The following CCDC66 variants were observed in gnomAD, a reference collection of about 807,000 sequenced individuals.
CCDC66 encodes the protein coiled-coil domain-containing protein 66.
Under a neutral mutation model 128.3 loss-of-function variants are expected in CCDC66, and 133 were observed. That is an observed-to-expected ratio of 1.04 (90% CI 0.90 to 1.20). CCDC66 has a LOEUF of 1.20. Among genes scored for constraint, CCDC66 ranks in the 50% most tolerant of loss-of-function variants. The probability of loss-of-function intolerance (pLI) is 0.00; values close to 1 mark genes in which losing one functional copy is unlikely to be tolerated. For synonymous variants in CCDC66, 387 were observed against 357.0 expected (o/e 1.08, Z -0.95); for missense variants, 1,126 against 1,075.5 (o/e 1.05, Z -0.66).
intron 7 of CCDC66, among the ~76,000 whole-genome samples, chr3:56,585,148 G>A (rs577529510): frequency 6.7e-6 from 1 of 150,270 alleles, no homozygotes; most frequent in South Asian, 2.1e-4. Context: ...AGAGGGAGAG[G>A]GAGAGGGACT....
At chr3:56,616,922 T>TA (rs1383703059) in intron 13 of CCDC66, 190 bp from the exon 14 acceptor site, 14 of 453,266 alleles carry the variant, frequency 3.1e-5, no homozygotes, top group South Asian at 1.1e-4. Context: ...AAATGGAAAT[T>TA]AGAGTGGTGG....
intron 15 of CCDC66, 119 bp downstream of exon 15, chr3:56,618,331 G>T: frequency 1.1e-6 from 1 of 918,566 alleles, no homozygotes; most frequent in Non-Finnish European, 1.7e-6. Context: ...GAAAGGGTGT[G>T]GCTTCCAGGT....
intron 7 of CCDC66, among the ~76,000 whole-genome samples, chr3:56,583,504 AG>A (rs1467177013): frequency 6.6e-6 from 1 of 151,892 alleles, no homozygotes; most frequent in African/African-American, 2.4e-5. Flanking sequence ...GATGACTCTT[AG>A]GGAGCATGCT....
chr3:56,610,665 A>C (rs1319227530), intron 10 of CCDC66, among the ~76,000 whole-genome samples: 1 of 152,048 alleles, frequency 6.6e-6, no homozygotes, highest in Non-Finnish European at 1.5e-5. Flanking sequence ...ATATTACCAC[A>C]GTTGGTTTTC....
chr3:56,619,157 G>GCA, intron 15 of CCDC66, 114 bp from the exon 16 acceptor site: 2 of 868,968 alleles, frequency 2.3e-6, no homozygotes, highest in Non-Finnish European at 1.7e-6. Context: ...TCGCGCCACT[G>GCA]CACTCCAGCC....
chr3:56,618,249 T>C, intron 15 of CCDC66, 37 bp downstream of exon 15: 1 of 1,570,272 alleles, frequency 6.4e-7, no homozygotes, highest in Non-Finnish European at 8.8e-7. Flanking sequence ...AGCTACTTAA[T>C]GCTTTCTATG....
intron 2 of CCDC66, 83 bp downstream of exon 2, chr3:56,558,993 G>C: frequency 1.1e-6 from 1 of 926,124 alleles, no homozygotes; most frequent in Non-Finnish European, 1.6e-6. Flanking sequence ...CTTTTTGCTT[G>C]TAATAGAGTG....
At chr3:56,613,567 T>A in intron 10 of CCDC66, 22 bp from the exon 11 acceptor site, 2 of 1,603,330 alleles carry the variant, frequency 1.2e-6, no homozygotes, top group Non-Finnish European at 1.7e-6. Flanking sequence ...TGACAATGAT[T>A]TACGTGATTG....
chr3:56,599,123 A>G (rs1344158741), intron 10 of CCDC66, among the ~76,000 whole-genome samples: 6 of 151,692 alleles, frequency 4.0e-5, no homozygotes, highest in South Asian at 4.2e-4. Flanking sequence ...CAGGTTTTCT[A>G]TTTCTTCCTG....
intron 10 of CCDC66, among the ~76,000 whole-genome samples, chr3:56,611,617 T>A (rs1375664744): frequency 7.2e-6 from 1 of 139,348 alleles, no homozygotes; most frequent in African/African-American, 2.7e-5. Context: ...CTGTTCAAGT[T>A]GTTACAAAGT....
rs968351938 is a variant in CCDC66, at chr3:56,563,753, C to T, written c.172C>T (p.Gln58Ter). ...AACTGGGCACATTCTAAAATCAACA[C>T]AAGATACTTGTATTGGGAGTGAAAA... ...TKTGHILKST[Q>*]DTCIGSEKLL... The change falls in exon 4 of 18, where the codon CAA (glutamine) becomes TAA (stop). Residue 58 changes from glutamine to a stop codon, truncating the protein, a stop_gained. Transcript: ENST00000394672. LOFTEE classifies it high-confidence loss of function. 8 of 1,551,620 alleles carry T rather than the reference C, an allele frequency of 5.2e-6. No homozygotes were observed. In the East Asian group the frequency reaches 7.3e-5, roughly 14 times the overall value.
chr3:56,557,294 T>TGGTC, intron 1 of CCDC66, 41 bp downstream of exon 1: 1 of 545,322 alleles, frequency 1.8e-6, no homozygotes, highest in East Asian at 3.8e-5. Flanking sequence ...GTAAGCAAGG[T>TGGTC]GGTCGTCAGC....
intron 7 of CCDC66, among the ~76,000 whole-genome samples, chr3:56,587,646 G>A (rs1442001154): frequency 3.3e-5 from 5 of 152,316 alleles, no homozygotes; most frequent in Admixed American, 6.5e-5. Flanking sequence ...CTAGGCAGGC[G>A]GATTACCTGA....
rs200258868 is a variant in CCDC66 at position 56,559,620 on chromosome 3, C to T, written c.102+26C>T. On this transcript the variant is annotated intron_variant, in intron 3 of 17. Transcript: ENST00000394672. ...GTAAGCCGTATAACTTTGACCTGAC[C>T]TGTTTTCAAATGTAAAATGCAGTTT... 6.0e-4 allele frequency: 901 copies of T among 1,503,416 alleles called. 5 individuals carry two copies. The highest frequency in any genetic ancestry group is 7.0e-4 in the Admixed American group (30 of 42,618). The allele number at this position is 1,503,416 out of a possible 1,614,324, so 93.1% of individuals were successfully genotyped here.
chr3:56,583,927 GC>G (rs1191403275), intron 7 of CCDC66, among the ~76,000 whole-genome samples: 1 of 87,594 alleles, frequency 1.1e-5, no homozygotes, highest in African/African-American at 4.9e-5. Context: ...GGCGGGGGCT[GC>G]CCCCCACCTC....
intron 10 of CCDC66, among the ~76,000 whole-genome samples, chr3:56,605,482 G>A (rs1185881709): frequency 6.6e-6 from 1 of 152,026 alleles, no homozygotes; most frequent in Non-Finnish European, 1.5e-5. Flanking sequence ...TGTTGTTGAT[G>A]CTAATCCTTT....
In CCDC66 at chr3:56,615,951, T is replaced by A. The variant is rs2075439265; in HGVS notation, c.1741T>A (p.Ser581Thr). The stretch of plus-strand genomic sequence containing the variant: ...TACAATACAAATGGAATATAATGCA[T>A]CTAACATTTCAAATTCAAGACATGA... ...VDTIQMEYNA[S>T]NISNSRHDSD... Residue 581 changes from serine (S) to threonine (T), a missense_variant, in exon 13 of 18, where the codon TCT becomes ACT. Ser to Thr is a moderately conservative substitution (Grantham distance 58, BLOSUM62 1). Transcript: ENST00000394672. The A allele has an allele frequency of 6.3e-7, 1 of 1,598,822 alleles. No homozygotes were observed. The highest frequency in any genetic ancestry group is 8.5e-7 in the Non-Finnish European group (1 of 1,171,772).
At chr3:56,578,108 G>GTA (rs2107970538) in intron 7 of CCDC66, among the ~76,000 whole-genome samples, 1 of 151,806 alleles carries the variant, frequency 6.6e-6, no homozygotes, top group African/African-American at 2.4e-5. Context: ...GCAGTGATTT[G>GTA]TAGTTCTTGA....
Position 56,566,590 on chromosome 3 carries a change from C to G in CCDC66, c.545-4C>G. 6.5e-7 allele frequency: 1 copy of G among 1,538,358 alleles called. No homozygotes were observed. Among genetic ancestry groups the G allele is most frequent in the Non-Finnish European group, 9.0e-7 (1 of 1,116,026 alleles). ...AATTTTAAAACATGTATTTTACCTCCTAGGTCAATATAGTCTATATTTAAA... is the reference window on the plus strand; with the variant it reads ...AATTTTAAAACATGTATTTTACCTCGTAGGTCAATATAGTCTATATTTAAA... On this transcript the variant is annotated splice_polypyrimidine_tract_variant and splice_region_variant and intron_variant, in intron 4 of 17. Transcript: ENST00000394672.
Sources: gnomAD v4.1 joint callset for allele counts (sites outside exome capture counted in the v4.1 genomes callset) on GRCh38, gnomAD v4.1.1 for gene constraint, MANE v1.5 for transcripts, NCBI Gene and HGNC (gene_info 2026-07-23, HGNC 2026-07-21) for gene names.